Variants in ADAMTS9 observed in about 807,000 individuals in gnomAD.
ADAMTS9 encodes the protein A disintegrin and metalloproteinase with thrombospondin motifs 9.
In ADAMTS9, 107 loss-of-function variants were observed where a neutral mutation model predicts 257.1. That is an observed-to-expected ratio of 0.42 (90% CI 0.36 to 0.49). The LOEUF (loss-of-function observed/expected upper bound fraction) is 0.49. Among genes scored for constraint, ADAMTS9 ranks in the 20% least tolerant of loss-of-function variants. The pLI is 0.03. For missense variants in ADAMTS9, 2,353 were observed against 2,469.1 expected (o/e 0.95, Z 1.00); for synonymous variants, 982 against 880.9 (o/e 1.11, Z -2.03).
chr3:64,542,220 T>TAC (rs60208170), intron 32 of ADAMTS9, among the ~76,000 whole-genome samples: 11,153 of 133,154 alleles, frequency 0.084, 1,073 homozygotes, highest in Admixed American at 0.28. Flanking sequence ...TGTGTAATTT[T>TAC]ACACACACAC....
At chr3:64,626,117 T>C (rs1700215206) in intron 16 of ADAMTS9, among the ~76,000 whole-genome samples, 1 of 152,234 alleles carries the variant, frequency 6.6e-6, no homozygotes, top group Non-Finnish European at 1.5e-5. Context: ...GATTGTTATA[T>C]GGATTAAATA....
At chr3:64,657,693 AT>A (rs71102810) in intron 4 of ADAMTS9, among the ~76,000 whole-genome samples, 3 of 151,656 alleles carry the variant, frequency 2.0e-5, no homozygotes, top group East Asian at 1.9e-4. Context: ...AAAATTAGGA[AT>A]TTTTTTTAAT....
chr3:64,517,416 G>GTTTTTTTTTTTTTTGTTTTT (rs2082789886), intron 39 of ADAMTS9, among the ~76,000 whole-genome samples: 2 of 52,638 alleles, frequency 3.8e-5, no homozygotes, highest in Non-Finnish European at 7.6e-5. Flanking sequence ...ATTAAAAATG[G>GTTTTTTTTTTTTTTGTTTTT]TTTTTTTTTT....
Position 64,544,165 on chromosome 3 carries a change from A to G in ADAMTS9, c.5065-2195T>C, listed in dbSNP as rs566432502. ...CCATGCTCATGGATAGGAAGAATCA[A>G]TATCATGAACATGGCCATACTGCCC... On this transcript the variant is annotated intron_variant, in intron 32 of 39. Coordinates refer to ENST00000498707, the MANE Select transcript of ADAMTS9 (RefSeq NM_182920.2). 4.1e-3 allele frequency among the ~76,000 whole-genome samples: 629 copies of G among 152,010 alleles called. 5 individuals are homozygous for G. The highest frequency in any genetic ancestry group is 0.014 in the African/African-American group (572 of 41,286).
At chr3:64,613,206 T>A in intron 22 of ADAMTS9, 139 bp downstream of exon 22, 1 of 976,096 alleles carries the variant, frequency 1.0e-6, no homozygotes, top group Non-Finnish European at 1.5e-6. Flanking sequence ...TTACATGTGC[T>A]TGATCCAGTG....
At chr3:64,605,665 A>G (rs1034170686) in intron 23 of ADAMTS9, among the ~76,000 whole-genome samples, 8 of 152,214 alleles carry the variant, frequency 5.3e-5, no homozygotes, top group Non-Finnish European at 2.9e-5. Flanking sequence ...TTCTCTTTAC[A>G]TACATGATGC....
Position 64,596,880 on chromosome 3 carries a change from C to G in ADAMTS9, c.4129G>C (p.Ala1377Pro), listed in dbSNP as rs780145698. Reference sequence around the variant, plus strand: ...TGAGGACAAGGGCCGGATTCACAGGCTCTTTGCTCATCAGGTTTTATTCTC... The same window carrying G: ...TGAGGACAAGGGCCGGATTCACAGGGTCTTTGCTCATCAGGTTTTATTCTC... ...VERIKPDEQR[A>P]CESGPCPQWA... The change falls in exon 27 of 40, where the codon GCC (alanine) becomes CCC (proline). Residue 1377 changes from alanine (A) to proline (P), a missense_variant. Ala to Pro is a conservative substitution (Grantham distance 27). Transcript: ENST00000498707. The G allele has an allele frequency of 6.8e-6, 11 of 1,613,954 alleles. No individual in the cohort carries two copies. In the Admixed American group the frequency reaches 1.8e-4, roughly 27 times the overall value.
rs970021764 is a variant in ADAMTS9 at position 64,517,118 on chromosome 3, G to A, written c.*9C>T. Reference sequence around the variant, plus strand: ...CATCCATAATGGCTTCCTCTTCAAAGCACCTGAAATAAACAAACCAGAAAA... The same window carrying A: ...CATCCATAATGGCTTCCTCTTCAAAACACCTGAAATAAACAAACCAGAAAA... On this transcript the variant is annotated 3_prime_UTR_variant, in exon 40 of 40. Coordinates refer to ENST00000498707, the MANE Select transcript of ADAMTS9 (RefSeq NM_182920.2). 6.6e-6 allele frequency: 1 copy of A among 152,486 alleles called. No homozygotes were observed. Among genetic ancestry groups the A allele is most frequent in the Non-Finnish European group, 1.5e-5 (1 of 68,014 alleles). The allele number at this position is 152,486 out of a possible 1,614,324, so 9.4% of individuals were successfully genotyped here.
chr3:64,643,337 A>G (rs910919425), intron 11 of ADAMTS9, among the ~76,000 whole-genome samples: 5 of 152,206 alleles, frequency 3.3e-5, no homozygotes, highest in African/African-American at 9.7e-5. Context: ...GAATTTCTAA[A>G]GTCACATAAA....
chr3:64,613,774 T>C (rs577810578), intron 21 of ADAMTS9, among the ~76,000 whole-genome samples: 15 of 152,314 alleles, frequency 9.8e-5, no homozygotes, highest in African/African-American at 3.6e-4. Context: ...AAAACAACAT[T>C]CATAATTTTA....
At chr3:64,535,788 C>G (rs1425418246) in intron 37 of ADAMTS9, among the ~76,000 whole-genome samples, 1 of 151,892 alleles carries the variant, frequency 6.6e-6, no homozygotes, top group Non-Finnish European at 1.5e-5. Context: ...AGTGATCCAC[C>G]TCCCTCAGCC....
chr3:64,548,261 G>A (rs1263839062), intron 31 of ADAMTS9, among the ~76,000 whole-genome samples: 1 of 152,134 alleles, frequency 6.6e-6, no homozygotes, highest in South Asian at 2.1e-4. Flanking sequence ...TCCAGCTAGA[G>A]GCACGCAGAG....
intron 4 of ADAMTS9, 178 bp from the exon 5 acceptor site, chr3:64,656,053 T>G: frequency 1.9e-6 from 1 of 516,714 alleles, no homozygotes; most frequent in Non-Finnish European, 3.5e-6. Flanking sequence ...ATAAAATTCA[T>G]AGATCACAGT....
intron 26 of ADAMTS9, 91 bp downstream of exon 26, chr3:64,601,853 A>G: frequency 6.9e-7 from 1 of 1,457,858 alleles, no homozygotes. Flanking sequence ...TTGTAAAGAA[A>G]AAAATATGCT....
chr3:64,578,663 A>G (rs1401177094), intron 28 of ADAMTS9, among the ~76,000 whole-genome samples: 1 of 152,220 alleles, frequency 6.6e-6, no homozygotes, highest in Non-Finnish European at 1.5e-5. Context: ...TAACATGTTC[A>G]AAACAGAAGT....
chr3:64,618,818 CTT>C (rs1164727908), intron 19 of ADAMTS9, among the ~76,000 whole-genome samples: 12 of 152,148 alleles, frequency 7.9e-5, no homozygotes, highest in Non-Finnish European at 1.3e-4. Flanking sequence ...TATTTGAGAT[CTT>C]TTGCATCATT....
At chr3:64,565,783 T>A (rs146593691) in intron 29 of ADAMTS9, 37 of 152,328 alleles carry the variant, frequency 2.4e-4, no homozygotes, top group African/African-American at 8.9e-4. Context: ...ATTAAAAATA[T>A]CTAAACAAAT....
intron 30 of ADAMTS9, among the ~76,000 whole-genome samples, chr3:64,557,997 C>A (rs1454001381): frequency 2.6e-5 from 4 of 152,152 alleles, no homozygotes; most frequent in African/African-American, 7.2e-5. Context: ...GGGGCTCCAA[C>A]ATCATCAAGA....
At chr3:64,540,114 G>C (rs970397148) in intron 36 of ADAMTS9, among the ~76,000 whole-genome samples, 13 of 152,218 alleles carry the variant, frequency 8.5e-5, no homozygotes, top group African/African-American at 2.9e-4. Flanking sequence ...ATTCTGCAAG[G>C]AAAGGGGACC....
Sources: gnomAD v4.1 joint callset for allele counts (sites outside exome capture counted in the v4.1 genomes callset) on GRCh38, gnomAD v4.1.1 for gene constraint, MANE v1.5 for transcripts, NCBI Gene and HGNC (gene_info 2026-07-23, HGNC 2026-07-21) for gene names.